Variants in SAMMSON observed in about 807,000 individuals in gnomAD.
The protein encoded by SAMMSON is long intergenic non-protein coding RNA 1212.
At chr3:70,423,033 G>A (rs1168717500) in intron 2 of SAMMSON, among the ~76,000 whole-genome samples, 5 of 151,662 alleles carry the variant, frequency 3.3e-5, no homozygotes, top group African/African-American at 7.3e-5. Context: ...GGCAGGGAAA[G>A]GATATATCAT....
At chr3:70,123,561 T>G (rs888380624) in intron 4 of SAMMSON, among the ~76,000 whole-genome samples, 4 of 152,192 alleles carry the variant, frequency 2.6e-5, no homozygotes, top group African/African-American at 9.6e-5. Flanking sequence ...TGAGCCACCA[T>G]GCCCAGCCGG....
chr3:70,173,763 T>A (rs1700981134), intron 4 of SAMMSON, among the ~76,000 whole-genome samples: 1 of 151,964 alleles, frequency 6.6e-6, no homozygotes, highest in African/African-American at 2.4e-5. Flanking sequence ...CTCTATTTAG[T>A]TTTTTTCTTT....
At chr3:70,297,363 G>A (rs1272443156) in intron 7 of SAMMSON, among the ~76,000 whole-genome samples, 1 of 151,958 alleles carries the variant, frequency 6.6e-6, no homozygotes, top group East Asian at 1.9e-4. Flanking sequence ...AAAAAGAACT[G>A]GATATCTTGG....
At chr3:70,206,982 A>G (rs1433527943) in intron 4 of SAMMSON, among the ~76,000 whole-genome samples, 1 of 151,844 alleles carries the variant, frequency 6.6e-6, no homozygotes, top group Non-Finnish European at 1.5e-5. Context: ...ATAAAATTTT[A>G]TACACATTGC....
chr3:70,305,694 C>T (rs1472818138), intron 7 of SAMMSON, among the ~76,000 whole-genome samples: 1 of 152,124 alleles, frequency 6.6e-6, no homozygotes, highest in African/African-American at 2.4e-5. Flanking sequence ...TATTAATGTT[C>T]ATGATCCAAA....
intron 7 of SAMMSON, among the ~76,000 whole-genome samples, chr3:70,326,859 A>AAT (rs1004816739): frequency 3.3e-5 from 5 of 151,972 alleles, no homozygotes; most frequent in Non-Finnish European, 5.9e-5. Flanking sequence ...TGATAATGAT[A>AAT]ATATATATAT....
At chr3:70,156,733 T>C (rs1238790809) in intron 4 of SAMMSON, among the ~76,000 whole-genome samples, 1 of 152,120 alleles carries the variant, frequency 6.6e-6, no homozygotes, top group African/African-American at 2.4e-5. Context: ...GGAAAATGTC[T>C]GATTTTTTTT....
intron 7 of SAMMSON, among the ~76,000 whole-genome samples, chr3:70,319,155 C>T (rs1302690798): frequency 6.6e-6 from 1 of 152,060 alleles, no homozygotes; most frequent in African/African-American, 2.4e-5. Context: ...ATAGAGTCCC[C>T]TCTTCTCCAT....
At chr3:70,100,391 G>A (rs1210144664) in intron 4 of SAMMSON, among the ~76,000 whole-genome samples, 91 of 151,882 alleles carry the variant, frequency 6.0e-4, no homozygotes, top group Admixed American at 5.9e-3. Context: ...CAAGCAATCT[G>A]TTTACCTTGG....
intron 7 of SAMMSON, among the ~76,000 whole-genome samples, chr3:70,307,504 T>C (rs1379139110): frequency 7.3e-5 from 11 of 151,504 alleles, no homozygotes; most frequent in African/African-American, 1.2e-4. Context: ...ACCTGTAATT[T>C]CCCCCCCCAA....
intron 6 of SAMMSON, among the ~76,000 whole-genome samples, chr3:70,256,904 C>A (rs1461798514): frequency 1.3e-5 from 2 of 152,180 alleles, no homozygotes; most frequent in East Asian, 3.9e-4. Context: ...GATTTCAGCA[C>A]ATGTTCTCAC....
At chr3:70,124,376 G>T (rs946850189) in intron 4 of SAMMSON, among the ~76,000 whole-genome samples, 1 of 152,112 alleles carries the variant, frequency 6.6e-6, no homozygotes, top group African/African-American at 2.4e-5. Context: ...TATCATTTGC[G>T]GGAGAAATGC....
Position 70,275,244 on chromosome 3 carries a change from C to T in SAMMSON, n.675-15935C>T, listed in dbSNP as rs1238230163. On this transcript the variant is annotated intron_variant and non_coding_transcript_variant, in intron 6 of 9. Coordinates refer to ENST00000642114, the Ensembl canonical transcript of SAMMSON. The stretch of plus-strand genomic sequence containing the variant: ...ATGATTAAGAATACAGGACTTGGGC[C>T]GGGTACAGTGGCTTACACCTGTAAT... Among the ~76,000 whole-genome samples, 6 of 152,192 alleles carry T rather than the reference C, an allele frequency of 3.9e-5. 1 individual carries two copies. The South Asian group carries it at 6.2e-4, about 16-fold the overall frequency.
At chr3:70,290,161 C>T (rs1702217721) in intron 6 of SAMMSON, among the ~76,000 whole-genome samples, 1 of 147,084 alleles carries the variant, frequency 6.8e-6, no homozygotes, top group East Asian at 1.9e-4. Flanking sequence ...TCCAGTTTTT[C>T]TGTTCTGTTT....
chr3:70,102,761 C>T (rs979616693), intron 4 of SAMMSON, among the ~76,000 whole-genome samples: 5 of 152,154 alleles, frequency 3.3e-5, no homozygotes, highest in Non-Finnish European at 7.3e-5. Context: ...CAAACTGGGT[C>T]TCTGTAGTCA....
At chr3:70,405,453 T>C (rs1201357450) in intron 2 of SAMMSON, among the ~76,000 whole-genome samples, 1 of 152,148 alleles carries the variant, frequency 6.6e-6, no homozygotes, top group Non-Finnish European at 1.5e-5. Context: ...TTTATGACTA[T>C]GTTAAATGAC....
chr3:70,302,366 T>C (rs1000737505), intron 7 of SAMMSON, among the ~76,000 whole-genome samples: 6 of 152,140 alleles, frequency 3.9e-5, no homozygotes, highest in African/African-American at 1.4e-4. Flanking sequence ...TGGGCCATAA[T>C]CTTATAAAAG....
intron 4 of SAMMSON, among the ~76,000 whole-genome samples, chr3:70,245,659 T>A (rs1405825927): frequency 7.4e-6 from 1 of 134,688 alleles, no homozygotes. Context: ...CATAACGTTT[T>A]TGCAAACTGC....
intron 4 of SAMMSON, among the ~76,000 whole-genome samples, chr3:70,214,181 G>A (rs1396244905): frequency 6.6e-6 from 1 of 151,960 alleles, no homozygotes; most frequent in East Asian, 1.9e-4. Flanking sequence ...ATCTAATTGG[G>A]GAGGGAGGAT....
Sources: allele counts gnomAD v4.1 joint callset (sites outside exome capture counted in the v4.1 genomes callset), GRCh38; gene constraint gnomAD v4.1.1; transcripts MANE v1.5; gene names NCBI Gene and HGNC (gene_info 2026-07-23, HGNC 2026-07-21).